Variants in OTC observed in about 807,000 individuals in gnomAD.
The protein encoded by OTC is ornithine transcarbamylase.
Under a neutral mutation model 30.3 loss-of-function variants are expected in OTC, and 3 were observed. The ratio of observed to expected loss-of-function variants is 0.10; its 90% CI spans 0.05 to 0.26. The LOEUF is 0.26. Among genes scored for constraint, OTC ranks in the 10% least tolerant of loss-of-function variants. The probability of loss-of-function intolerance (pLI) is 1.00; values close to 1 mark genes in which losing one functional copy is unlikely to be tolerated. For missense variants in OTC, 194 were observed against 260.3 expected, an observed-to-expected ratio of 0.75 and a Z score of 1.75; for synonymous variants, 111 against 99.7, an observed-to-expected ratio of 1.11 and a Z score of -0.67.
intron 9 of OTC, among the ~76,000 whole-genome samples, chrX:38,412,758 A>G (rs2068550266): frequency 8.9e-6 from 1 of 112,147 alleles, no homozygotes; most frequent in South Asian, 3.7e-4. Flanking sequence ...CTCTAGGTAG[A>G]TAAATGGAAA....
chrX:38,404,899 T>A (rs2068508915), intron 6 of OTC, among the ~76,000 whole-genome samples: 1 of 111,602 alleles, frequency 9.0e-6, no homozygotes, highest in African/African-American at 3.3e-5. Flanking sequence ...TCGTGCACAG[T>A]CCCACAGAAA....
chrX:38,336,865 T>C, the OTC span, among the ~76,000 whole-genome samples: 39 of 111,829 alleles, frequency 3.5e-4, no homozygotes, highest in Admixed American at 1.9e-4. Flanking sequence ...AACAAGGTAG[T>C]TCTCTCTCCT....
intron 4 of OTC, among the ~76,000 whole-genome samples, chrX:38,386,748 G>A (rs1458666588): frequency 1.8e-5 from 2 of 112,353 alleles, no homozygotes; most frequent in Non-Finnish European, 3.8e-5. Context: ...ATTGTGAATA[G>A]TGCTGCAAGG....
intron 9 of OTC, among the ~76,000 whole-genome samples, chrX:38,418,330 T>C (rs768292333): frequency 8.1e-5 from 9 of 111,721 alleles, no homozygotes; most frequent in Non-Finnish European, 1.5e-4. Flanking sequence ...TTTAATCAGG[T>C]TGTTTTCTTT....
At chrX:38,336,010 A>G in the OTC span, among the ~76,000 whole-genome samples, 1 of 111,356 alleles carries the variant, frequency 9.0e-6, no homozygotes, top group Non-Finnish European at 1.9e-5. Context: ...CCTTGAAGGC[A>G]TATCAACCAG....
At chrX:38,389,882 G>A (rs2068422162) in intron 4 of OTC, among the ~76,000 whole-genome samples, 1 of 111,445 alleles carries the variant, frequency 9.0e-6, no homozygotes, top group African/African-American at 3.3e-5. Context: ...ATGAGATCGT[G>A]CTTGTAAAGG....
At chrX:38,416,996 C>T (rs2068573303) in intron 9 of OTC, among the ~76,000 whole-genome samples, 1 of 112,175 alleles carries the variant, frequency 8.9e-6, no homozygotes, top group Non-Finnish European at 1.9e-5. Flanking sequence ...TTAAATGTTA[C>T]TGTTGAGCAA....
chrX:38,385,969 C>G (rs2068400744), intron 4 of OTC, among the ~76,000 whole-genome samples: 1 of 109,961 alleles, frequency 9.1e-6, no homozygotes, highest in African/African-American at 3.3e-5. Flanking sequence ...CACCTGTAGT[C>G]CCAGCTACTA....
intron 4 of OTC, among the ~76,000 whole-genome samples, chrX:38,395,134 G>A (rs868248816): frequency 1.8e-5 from 2 of 110,246 alleles, no homozygotes; most frequent in Non-Finnish European, 3.8e-5. Context: ...CACCACAACC[G>A]GCTAATTTTT....
chrX:38,405,455 C>G (rs775604225), intron 6 of OTC, among the ~76,000 whole-genome samples: 3 of 110,976 alleles, frequency 2.7e-5, no homozygotes, highest in Non-Finnish European at 5.7e-5. Context: ...GTCTGTGTCT[C>G]TCTGTACAAA....
intron 7 of OTC, 39 bp from the exon 8 acceptor site, chrX:38,408,837 C>G (rs1345992295): frequency 4.1e-6 from 5 of 1,207,991 alleles, no homozygotes; most frequent in Non-Finnish European, 5.6e-6. Context: ...CTTTTACTGT[C>G]CCATGAAGTT....
intron 1 of OTC, among the ~76,000 whole-genome samples, chrX:38,358,620 A>AT (rs1194488054): frequency 0.099 from 8,727 of 88,216 alleles, 524 homozygotes; most frequent in Middle Eastern, 0.16. Flanking sequence ...CTGTGGTGGA[A>AT]TTTTTTTTTT....
chrX:38,377,917 A>G (rs1239891306), intron 3 of OTC, among the ~76,000 whole-genome samples: 2 of 109,911 alleles, frequency 1.8e-5, no homozygotes, highest in African/African-American at 6.6e-5. Context: ...GCTCACTGCA[A>G]CCTTCACCTC....
chrX:38,331,420 AT>A, the OTC span, among the ~76,000 whole-genome samples: 15 of 76,899 alleles, frequency 2.0e-4, no homozygotes, highest in East Asian at 1.3e-3. Flanking sequence ...CACCCAGCTA[AT>A]TTTTTTTTTG....
At position 38,411,648 on chromosome X, in the gene OTC, A is replaced by G. The variant is rs758114396; in HGVS notation, c.868-214A>G. Among the ~76,000 whole-genome samples the G allele has an allele frequency of 3.7e-5, 4 of 107,964 alleles. No individual in the cohort carries two copies. The East Asian group carries it at 1.2e-3, about 31-fold the overall frequency. The allele number at this position is 107,964 out of a possible 115,157, so 93.8% of individuals were successfully genotyped here. On this transcript the variant is annotated intron_variant, in intron 8 of 9. Coordinates refer to ENST00000039007, the MANE Select transcript of OTC (RefSeq NM_000531.6). ...GCCACTGCACTCCAGCCTGGGTGAC[A>G]GAGCGAGACTCTGTCTCAAAAAAAA...
At chrX:38,350,496 A>G (rs185482247), upstream of OTC, among the ~76,000 whole-genome samples, 10 of 111,983 alleles carry the variant, frequency 8.9e-5, no homozygotes, top group African/African-American at 3.2e-4. Context: ...GATGAACATC[A>G]AAGCCTGTAA....
intron 1 of OTC, among the ~76,000 whole-genome samples, chrX:38,367,012 T>C (rs568058209): frequency 9.1e-6 from 1 of 110,492 alleles, no homozygotes; most frequent in South Asian, 3.9e-4. Context: ...ACCCCGTCTC[T>C]AGTAAAAATA....
At chrX:38,403,568 A>G (rs760088864) in intron 5 of OTC, 50 bp from the exon 6 acceptor site, 1 of 1,182,679 alleles carries the variant, frequency 8.5e-7, no homozygotes, top group Non-Finnish European at 1.2e-6. Context: ...ATTGCTACAC[A>G]TAAGCGAATT....
chrX:38,389,612 A>G (rs1391051681), intron 4 of OTC, among the ~76,000 whole-genome samples: 1 of 111,449 alleles, frequency 9.0e-6, no homozygotes, highest in East Asian at 2.8e-4. Context: ...AGAACCCAGC[A>G]GGTATGAAAA....
Sources: gnomAD v4.1 joint callset for allele counts (sites outside exome capture counted in the v4.1 genomes callset) on GRCh38, gnomAD v4.1.1 for gene constraint, MANE v1.5 for transcripts, NCBI Gene and HGNC (gene_info 2026-07-23, HGNC 2026-07-21) for gene names.